DNAH14: variants seen among roughly 807,000 people sequenced by gnomAD.
The protein encoded by DNAH14 is axonemal beta dynein heavy chain 14.
DNAH14 carries 478 observed loss-of-function variants against 520.9 expected under a neutral mutation model. That is an observed-to-expected ratio of 0.92 (90% CI 0.85 to 0.99). The LOEUF (loss-of-function observed/expected upper bound fraction) is 0.99, where lower values mean the gene tolerates loss of function less well. Ranked by LOEUF, DNAH14 falls within the 50% of genes least tolerant of loss-of-function variation. The pLI is 0.00. For missense variants in DNAH14, 4,831 were observed against 5,234.5 expected (o/e 0.92, Z 2.38); for synonymous variants, 1,581 against 1,757.2 (o/e 0.90, Z 2.51).
At chr1:225,389,212 G>GTGAA (rs2095875387) in intron 82 of DNAH14, among the ~76,000 whole-genome samples, 1 of 152,230 alleles carries the variant, frequency 6.6e-6, no homozygotes, top group African/African-American at 2.4e-5. Context: ...GCCCTGTGAT[G>GTGAA]TGAAGTAGGT....
chr1:225,295,298 G>A (rs574501562), intron 55 of DNAH14, among the ~76,000 whole-genome samples: 2 of 151,874 alleles, frequency 1.3e-5, no homozygotes, highest in South Asian at 2.1e-4. Flanking sequence ...CTAATTTTGG[G>A]TTCGTTTGTT....
chr1:225,330,840 G>A (rs980102975), intron 64 of DNAH14, among the ~76,000 whole-genome samples: 10 of 152,160 alleles, frequency 6.6e-5, no homozygotes, highest in Non-Finnish European at 1.3e-4. Flanking sequence ...AAATGCTCGA[G>A]AGGATGGATA....
intron 17 of DNAH14, among the ~76,000 whole-genome samples, chr1:225,064,076 C>T (rs1438935888): frequency 2.0e-5 from 3 of 151,832 alleles, no homozygotes; most frequent in African/African-American, 7.2e-5. Flanking sequence ...GAACTCTTAC[C>T]AGACAAAGTA....
intron 42 of DNAH14, among the ~76,000 whole-genome samples, chr1:225,231,512 G>A (rs1273826405): frequency 1.3e-5 from 2 of 152,074 alleles, no homozygotes; most frequent in Non-Finnish European, 2.9e-5. Flanking sequence ...TTATAAAACT[G>A]GAATAATAAT....
intron 54 of DNAH14, among the ~76,000 whole-genome samples, chr1:225,283,739 G>T (rs1164431541): frequency 1.3e-5 from 2 of 152,070 alleles, no homozygotes; most frequent in Non-Finnish European, 2.9e-5. Context: ...ATATTCTTTT[G>T]AAGCAAACAT....
rs926226402 is a variant in DNAH14, at chr1:225,308,333, G to T, written c.9163G>T (p.Glu3055Ter). 1 of 1,544,416 alleles carries T rather than the reference G, an allele frequency of 6.5e-7. No individual in the cohort carries two copies. The highest frequency in any genetic ancestry group is 8.7e-7 in the Non-Finnish European group (1 of 1,144,938). ...EKLRKDSQVV[E>*]KVQMLVKQDE... The stretch of plus-strand genomic sequence containing the variant: ...ACTACGGAAAGATTCACAAGTAGTT[G>T]AGAAAGTTCAGATGCTTGTTAAACA... The change falls in exon 60 of 86, where the codon GAG (glutamate) becomes TAG (stop). Residue 3055 changes from glutamate to a stop codon, truncating the protein, a stop_gained. Transcript: ENST00000682510. LOFTEE classifies it high-confidence loss of function.
At chr1:225,079,798 C>T (rs923884572) in intron 18 of DNAH14, among the ~76,000 whole-genome samples, 8 of 151,448 alleles carry the variant, frequency 5.3e-5, no homozygotes, top group South Asian at 2.1e-4. Context: ...CTCAGCCTCC[C>T]GAGTAGCTGG....
intron 12 of DNAH14, among the ~76,000 whole-genome samples, chr1:225,039,690 A>G (rs929005431): frequency 6.6e-5 from 10 of 151,108 alleles, no homozygotes; most frequent in African/African-American, 2.4e-4. Context: ...ATTTGGTAAA[A>G]GTAGCCTTGT....
chr1:225,136,721 C>T (rs988816542), intron 27 of DNAH14, among the ~76,000 whole-genome samples: 4 of 152,126 alleles, frequency 2.6e-5, no homozygotes, highest in Non-Finnish European at 5.9e-5. Flanking sequence ...GGGAAGTTCT[C>T]CTGGATGATA....
chr1:224,954,859 T>A (rs1444934879), intron 2 of DNAH14, 100 bp from the exon 3 acceptor site: 1 of 867,026 alleles, frequency 1.2e-6, no homozygotes, highest in African/African-American at 1.7e-5. Flanking sequence ...GAAGCTGTTT[T>A]AATTATAAAT....
chr1:225,066,925 T>C (rs1036008919), intron 17 of DNAH14, among the ~76,000 whole-genome samples: 28 of 152,154 alleles, frequency 1.8e-4, no homozygotes, highest in Non-Finnish European at 1.5e-5. Context: ...TGTTTCCATA[T>C]TTCTGCAATT....
At chr1:225,159,002 A>AT (rs2081292863) in intron 34 of DNAH14, among the ~76,000 whole-genome samples, 1 of 152,156 alleles carries the variant, frequency 6.6e-6, no homozygotes, top group Admixed American at 6.5e-5. Flanking sequence ...TCAGTATGTT[A>AT]TTTTTTATTT....
chr1:224,943,866 G>A (rs2059602798), intron 1 of DNAH14, among the ~76,000 whole-genome samples: 1 of 152,118 alleles, frequency 6.6e-6, no homozygotes, highest in Admixed American at 6.6e-5. Flanking sequence ...GAGGTGGTTT[G>A]TTATAATTTC....
intron 8 of DNAH14, among the ~76,000 whole-genome samples, chr1:225,001,141 T>C (rs2063743809): frequency 6.6e-6 from 1 of 151,998 alleles, no homozygotes; most frequent in African/African-American, 2.4e-5. Context: ...TTGGCGTTTC[T>C]AGGTTACTGG....
rs1575051799 is a variant in DNAH14 at position 225,367,211 on chromosome 1, C to G, written c.12091-594C>G. The stretch of plus-strand genomic sequence containing the variant: ...ACAGCCACACTCTCAAAAAAGCCCT[C>G]CAGTTGATTCCCTCCCCACCTCACC... On this transcript the variant is annotated intron_variant, in intron 76 of 85. Transcript: ENST00000682510. Among the ~76,000 whole-genome samples the G allele has an allele frequency of 2.6e-5, 4 of 152,242 alleles. No homozygotes were observed. In the South Asian group the frequency reaches 8.3e-4, roughly 32 times the overall value.
chr1:225,248,674 ACAATGAGCTCCCTTAG>A (rs2092412752), intron 43 of DNAH14, among the ~76,000 whole-genome samples: 1 of 152,194 alleles, frequency 6.6e-6, no homozygotes, highest in African/African-American at 2.4e-5. Context: ...ACAACTAATA[ACAATGAGCTCCCTTAG>A]CACTCAGATC....
At chr1:225,377,033 A>G (rs939016484) in intron 78 of DNAH14, among the ~76,000 whole-genome samples, 5 of 151,858 alleles carry the variant, frequency 3.3e-5, no homozygotes, top group African/African-American at 7.3e-5. Flanking sequence ...TATGCACATT[A>G]CAATACAGTA....
At chr1:225,049,928 C>T (rs1435337559) in intron 15 of DNAH14, among the ~76,000 whole-genome samples, 3 of 152,114 alleles carry the variant, frequency 2.0e-5, no homozygotes, top group Admixed American at 6.5e-5. Context: ...ATAACAGATA[C>T]GTGTCAAATA....
intron 16 of DNAH14, among the ~76,000 whole-genome samples, chr1:225,050,672 T>A (rs1448086630): frequency 2.0e-5 from 3 of 152,196 alleles, no homozygotes; most frequent in Non-Finnish European, 1.5e-5. Flanking sequence ...CAACTGGGTA[T>A]TTTTGTCCAA....
Sources: gnomAD v4.1 joint callset for allele counts (sites outside exome capture counted in the v4.1 genomes callset) on GRCh38, gnomAD v4.1.1 for gene constraint, MANE v1.5 for transcripts, NCBI Gene and HGNC (gene_info 2026-07-23, HGNC 2026-07-21) for gene names.